The following COMMD2 variants were observed in gnomAD, a reference collection of about 807,000 sequenced individuals.
The protein encoded by COMMD2 is COMM domain-containing protein 2.
In COMMD2, 25 loss-of-function variants were observed where a neutral mutation model predicts 22.5. The observed-to-expected ratio is 1.11, with a 90% CI of 0.81 to 1.55. The LOEUF (loss-of-function observed/expected upper bound fraction) is 1.55, where lower values mean the gene tolerates loss of function less well. COMMD2 is among the 40% of genes most tolerant of loss of function. COMMD2 has a pLI of 0.00. For synonymous variants in COMMD2, 98 were observed against 91.2 expected (o/e 1.07, Z -0.42); for missense variants, 223 against 232.9 (o/e 0.96, Z 0.28).
chr3:149,745,286 TA>T (rs1716338530), intron 4 of COMMD2, among the ~76,000 whole-genome samples: 1 of 152,196 alleles, frequency 6.6e-6, no homozygotes, highest in African/African-American at 2.4e-5. Context: ...TGGCACATGT[TA>T]GGGGTACAAG....
chr3:149,744,255 A>T (rs900939585), intron 4 of COMMD2, among the ~76,000 whole-genome samples: 1 of 152,220 alleles, frequency 6.6e-6, no homozygotes, highest in Non-Finnish European at 1.5e-5. Context: ...AGGCACTGAA[A>T]AGGGTATTCT....
At chr3:149,751,315 AC>A in intron 3 of COMMD2, 87 bp downstream of exon 3, 2 of 1,582,612 alleles carry the variant, frequency 1.3e-6, no homozygotes, top group Non-Finnish European at 1.7e-6. Flanking sequence ...ATTAAAACAC[AC>A]AGGTACCTGC....
rs1477057651 is a variant in COMMD2, at chr3:149,740,815, CAAAA to C, written c.*702_*705del. 2 of 152,244 alleles carry C rather than the reference CAAAA, an allele frequency of 1.3e-5. No homozygotes were observed. Among genetic ancestry groups the C allele is most frequent in the African/African-American group, 2.4e-5 (1 of 41,370 alleles). 9.4% of individuals were successfully genotyped at this position (152,244 alleles called of 1,614,324 possible). A position where few individuals can be genotyped will look rare whatever the true frequency, so the allele number is the denominator to read the frequency against. ...GATGAAAATAATAAAATTAAGCAGTCAAAAGAAGTAGCAAAAACAAGATAGTCAT... is the reference window on the plus strand; with the variant it reads ...GATGAAAATAATAAAATTAAGCAGTCGAAGTAGCAAAAACAAGATAGTCAT... On this transcript the variant is annotated 3_prime_UTR_variant, in exon 5 of 5. Transcript: ENST00000473414.
chr3:149,751,565 C>T, intron 2 of COMMD2, 80 bp from the exon 3 acceptor site: 2 of 1,233,196 alleles, frequency 1.6e-6, no homozygotes, highest in East Asian at 2.5e-5. Flanking sequence ...TAAAAATAAA[C>T]ACTATTCATT....
At chr3:149,749,787 G>A (rs528561247) in intron 4 of COMMD2, among the ~76,000 whole-genome samples, 1 of 151,878 alleles carries the variant, frequency 6.6e-6, no homozygotes, top group African/African-American at 2.4e-5. Context: ...ACAACTACAC[G>A]TGTTGTTGTT....
At chr3:149,750,348 T>C (rs898017780) in intron 4 of COMMD2, 1 of 438,820 alleles carries the variant, frequency 2.3e-6, no homozygotes, top group South Asian at 1.7e-5. Flanking sequence ...TGATAATTCA[T>C]TGAGCGGTAC....
chr3:149,749,583 C>A (rs1270449712), intron 4 of COMMD2, among the ~76,000 whole-genome samples: 2 of 152,220 alleles, frequency 1.3e-5, no homozygotes, highest in Non-Finnish European at 2.9e-5. Context: ...GTTATTCCAA[C>A]ATGAAGTCAA....
chr3:149,751,552 AT>A (rs1716532839), intron 2 of COMMD2, 67 bp from the exon 3 acceptor site: 1 of 1,329,944 alleles, frequency 7.5e-7, no homozygotes, highest in Non-Finnish European at 1.0e-6. Flanking sequence ...TCATATTTGT[AT>A]TTAAAAATAA....
chr3:149,745,340 G>A (rs1483231346), intron 4 of COMMD2, among the ~76,000 whole-genome samples: 1 of 152,158 alleles, frequency 6.6e-6, no homozygotes, highest in Non-Finnish European at 1.5e-5. Flanking sequence ...AACTCCCCCT[G>A]CCACCCACTC....
chr3:149,751,241 A>G, intron 3 of COMMD2, 162 bp downstream of exon 3: 2 of 1,047,536 alleles, frequency 1.9e-6, no homozygotes, highest in Non-Finnish European at 2.7e-6. Flanking sequence ...ATATCAGCAG[A>G]TGATATGATT....
In COMMD2 at chr3:149,752,288, C is replaced by G; in HGVS notation, c.68-1G>C. ...GCAATCCGCCCAAACTCGGCGACCACTGCAATGAAAGTCAGAAGGCTGTTG... is the reference window on the plus strand; with the variant it reads ...GCAATCCGCCCAAACTCGGCGACCAGTGCAATGAAAGTCAGAAGGCTGTTG... On this transcript the variant is annotated splice_acceptor_variant, in intron 1 of 4. Transcript: ENST00000473414. LOFTEE classifies it high-confidence loss of function. 6.2e-7 allele frequency: 1 copy of G among 1,614,136 alleles called. No individual in the cohort carries two copies. The highest frequency in any genetic ancestry group is 2.2e-5 in the East Asian group (1 of 44,878).
In COMMD2 at chr3:149,752,489, C is replaced by G; in HGVS notation, c.-45G>C. On this transcript the variant is annotated 5_prime_UTR_variant, in exon 1 of 5. Transcript: ENST00000473414. ...CACCCGGCAGCGCCGACCCCGCCTT[C>G]GCCACTTCCGGCGCCCGTGTCCCGG... The G allele has an allele frequency of 8.3e-6, 13 of 1,559,496 alleles. No individual in the cohort carries two copies. Among genetic ancestry groups the G allele is most frequent in the Non-Finnish European group, 1.1e-5 (13 of 1,142,950 alleles).
intron 4 of COMMD2, among the ~76,000 whole-genome samples, chr3:149,742,318 G>A (rs928171295): frequency 1.3e-5 from 2 of 152,106 alleles, no homozygotes; most frequent in African/African-American, 4.8e-5. Context: ...GGCAGTAATG[G>A]GAACTCTCAC....
intron 3 of COMMD2, chr3:149,751,193 A>G: frequency 3.1e-6 from 2 of 639,070 alleles, no homozygotes; most frequent in Non-Finnish European, 5.1e-6. Flanking sequence ...AATTAGAGGT[A>G]CTTCTATACT....
chr3:149,744,836 A>T (rs1025732106), intron 4 of COMMD2, among the ~76,000 whole-genome samples: 8 of 152,210 alleles, frequency 5.3e-5, no homozygotes, highest in Non-Finnish European at 1.2e-4. Context: ...ATAAGTGGCA[A>T]CATTCATTCA....
Position 149,749,865 on chromosome 3 carries a change from C to T in COMMD2, c.402+813G>A, listed in dbSNP as rs79400290. Among the ~76,000 whole-genome samples the T allele has an allele frequency of 8.9e-3, 1,361 of 152,262 alleles. 4 individuals are homozygous for T. The highest frequency in any genetic ancestry group is 0.015 in the Non-Finnish European group (1,001 of 68,008). On this transcript the variant is annotated intron_variant, in intron 4 of 4. Coordinates refer to ENST00000473414, the MANE Select transcript of COMMD2 (RefSeq NM_016094.4). ...TATAATTATATTCTTTATTCCCCAT[C>T]AAGAACCTTATTTTATAACTACCTT...
chr3:149,750,876 C>T (rs761101407), intron 3 of COMMD2, 25 bp from the exon 4 acceptor site: 1 of 1,458,940 alleles, frequency 6.9e-7, no homozygotes, highest in East Asian at 2.3e-5. Context: ...TTTAAAAGAA[C>T]ATCAAAATTT....
At chr3:149,752,317 G>A in intron 1 of COMMD2, 30 bp from the exon 2 acceptor site, 2 of 1,613,512 alleles carry the variant, frequency 1.2e-6, no homozygotes, top group Non-Finnish European at 1.7e-6. Flanking sequence ...GCTGTTGAGT[G>A]CCAGGCGCTG....
At position 149,750,818 on chromosome 3, in the gene COMMD2, C is replaced by A; in HGVS notation, c.262G>T (p.Val88Phe). Residue 88 changes from valine (V) to phenylalanine (F), a missense_variant, in exon 4 of 5, where the codon GTT becomes TTT. Val to Phe is a conservative substitution (Grantham distance 50). Coordinates refer to ENST00000473414, the MANE Select transcript of COMMD2 (RefSeq NM_016094.4). ...TTTAATTCTTCAGAGAATCCCAGAA[C>A]AAAAACAGAGTCTTGGAAATCCAGT... The part of the protein sequence containing the change: ...SELDFQDSVF[V>F]LGFSEELNKL... The A allele has an allele frequency of 6.3e-7, 1 of 1,592,746 alleles. No homozygotes were observed.
Sources: gnomAD v4.1 joint callset for allele counts (sites outside exome capture counted in the v4.1 genomes callset) on GRCh38, gnomAD v4.1.1 for gene constraint, MANE v1.5 for transcripts, NCBI Gene and HGNC (gene_info 2026-07-23, HGNC 2026-07-21) for gene names.